The following CTNND2 variants were observed in gnomAD, a reference collection of about 807,000 sequenced individuals.
The protein encoded by CTNND2 is catenin delta 2, also known as catenin delta-2.
CTNND2 carries 22 observed loss-of-function variants against 144.4 expected under a neutral mutation model. The ratio of observed to expected loss-of-function variants is 0.15; its 90% CI spans 0.11 to 0.22. CTNND2 has a LOEUF of 0.22. CTNND2 is among the 10% of genes least tolerant of loss of function. The probability of loss-of-function intolerance (pLI) is 1.00; values close to 1 mark genes in which losing one functional copy is unlikely to be tolerated. For synonymous variants in CTNND2, 751 were observed against 695.6 expected, an observed-to-expected ratio of 1.08 and a Z score of -1.25; for missense variants, 1,353 against 1,618.8, an observed-to-expected ratio of 0.84 and a Z score of 2.82.
chr5:11,044,553 T>C (rs900125847), intron 16 of CTNND2, among the ~76,000 whole-genome samples: 11 of 151,076 alleles, frequency 7.3e-5, no homozygotes, highest in Non-Finnish European at 4.4e-5. Context: ...TACATATATA[T>C]ATATATATAT....
At chr5:11,751,436 T>C (rs1788612787) in intron 1 of CTNND2, among the ~76,000 whole-genome samples, 2 of 151,836 alleles carry the variant, frequency 1.3e-5, no homozygotes, top group African/African-American at 4.8e-5. Context: ...CTTCTTTGTG[T>C]CCACATGTAC....
Position 11,335,085 on chromosome 5 carries a change from C to A in CTNND2, c.1628+11287G>T, listed in dbSNP as rs565979518. Among the ~76,000 whole-genome samples, 16 of 152,252 alleles carry A rather than the reference C, an allele frequency of 1.1e-4. No individual in the cohort carries two copies. In the South Asian group the frequency reaches 3.3e-3, roughly 32 times the overall value. ...CTTGTCTTCTTAGTAGAATTAAGTG[C>A]CTGCTAAAGCACACTTGGTTCAGCA... is the stretch of plus-strand genomic sequence containing the variant. On this transcript the variant is annotated intron_variant, in intron 9 of 21. Coordinates refer to ENST00000304623, the MANE Select transcript of CTNND2 (RefSeq NM_001332.4).
At chr5:11,557,943 C>T (rs868186362) in intron 3 of CTNND2, among the ~76,000 whole-genome samples, 8 of 152,196 alleles carry the variant, frequency 5.3e-5, no homozygotes, top group East Asian at 1.9e-4. Flanking sequence ...TTCCAAAGAA[C>T]GGTTCATTTT....
intron 9 of CTNND2, among the ~76,000 whole-genome samples, chr5:11,266,468 G>A (rs923263278): frequency 1.3e-5 from 2 of 152,188 alleles, no homozygotes; most frequent in Non-Finnish European, 2.9e-5. Flanking sequence ...AGAGTTAAAT[G>A]GGTTAATTAG....
At chr5:11,104,261 T>C (rs1232072370) in intron 14 of CTNND2, among the ~76,000 whole-genome samples, 1 of 152,172 alleles carries the variant, frequency 6.6e-6, no homozygotes, top group African/African-American at 2.4e-5. Flanking sequence ...GTAGCAGATC[T>C]GCAGCATCAG....
At chr5:11,640,167 C>G (rs1781924708) in intron 2 of CTNND2, among the ~76,000 whole-genome samples, 1 of 152,150 alleles carries the variant, frequency 6.6e-6, no homozygotes, top group Non-Finnish European at 1.5e-5. Flanking sequence ...AAAACATTTT[C>G]TTTATTATGT....
intron 3 of CTNND2, among the ~76,000 whole-genome samples, chr5:11,551,429 TTTC>T (rs1369733863): frequency 4.6e-5 from 4 of 86,820 alleles, no homozygotes; most frequent in Non-Finnish European, 7.0e-5. Context: ...CTTTTTCTTT[TTTC>T]TTTTTTTTTT....
chr5:11,390,190 A>T (rs557114901), intron 6 of CTNND2, among the ~76,000 whole-genome samples: 35 of 152,338 alleles, frequency 2.3e-4, no homozygotes, highest in African/African-American at 8.2e-4. Flanking sequence ...CTATCGATGG[A>T]GTATTTTTGT....
intron 2 of CTNND2, among the ~76,000 whole-genome samples, chr5:11,568,079 C>A (rs549645949): frequency 6.6e-6 from 1 of 152,176 alleles, no homozygotes; most frequent in Admixed American, 6.5e-5. Context: ...CAACTCAATG[C>A]CCCATGGACT....
chr5:11,566,912 T>C (rs1777155602), intron 2 of CTNND2, among the ~76,000 whole-genome samples: 1 of 152,092 alleles, frequency 6.6e-6, no homozygotes, highest in Non-Finnish European at 1.5e-5. Context: ...TGTATTTGCA[T>C]CTGGCTTTAT....
chr5:11,399,569 G>A (rs868239885), intron 5 of CTNND2, among the ~76,000 whole-genome samples: 70 of 152,256 alleles, frequency 4.6e-4, no homozygotes, highest in African/African-American at 1.5e-3. Context: ...ACAATGTAAA[G>A]TCCCTTTTCA....
intron 9 of CTNND2, among the ~76,000 whole-genome samples, chr5:11,271,258 T>C (rs1164587842): frequency 6.6e-6 from 1 of 152,172 alleles, no homozygotes; most frequent in Non-Finnish European, 1.5e-5. Context: ...CACTAATGGA[T>C]CACAACCTGT....
At chr5:11,036,891 C>T (rs1356923831) in intron 16 of CTNND2, among the ~76,000 whole-genome samples, 2 of 151,944 alleles carry the variant, frequency 1.3e-5, no homozygotes, top group Non-Finnish European at 2.9e-5. Context: ...ATCAAGAATC[C>T]AATACAAAAA....
chr5:11,779,536 G>A (rs1790432019), intron 1 of CTNND2, among the ~76,000 whole-genome samples: 1 of 152,178 alleles, frequency 6.6e-6, no homozygotes, highest in Non-Finnish European at 1.5e-5. Flanking sequence ...TGTAACATGG[G>A]TTATGGCATA....
intron 2 of CTNND2, among the ~76,000 whole-genome samples, chr5:11,720,706 A>T (rs1786627551): frequency 1.3e-5 from 2 of 152,166 alleles, no homozygotes; most frequent in Admixed American, 6.5e-5. Context: ...ATATTTTTAA[A>T]TATAATATTT....
chr5:11,426,178 C>T (rs1032036705), intron 3 of CTNND2, among the ~76,000 whole-genome samples: 8 of 152,190 alleles, frequency 5.3e-5, no homozygotes, highest in African/African-American at 1.9e-4. Flanking sequence ...TTGTAGCCCC[C>T]CTTGAAAAAC....
At chr5:11,058,464 A>G (rs1050038477) in intron 16 of CTNND2, among the ~76,000 whole-genome samples, 3 of 152,248 alleles carry the variant, frequency 2.0e-5, no homozygotes, top group African/African-American at 7.2e-5. Context: ...GCAGGTGCAC[A>G]GAAGTCAAGA....
At chr5:11,205,190 T>C (rs1000316413) in intron 10 of CTNND2, among the ~76,000 whole-genome samples, 2 of 152,174 alleles carry the variant, frequency 1.3e-5, no homozygotes, top group Non-Finnish European at 2.9e-5. Context: ...TATATATATA[T>C]GTATAGCATA....
At chr5:11,526,324 C>T (rs1275435575) in intron 3 of CTNND2, among the ~76,000 whole-genome samples, 2 of 152,172 alleles carry the variant, frequency 1.3e-5, no homozygotes, top group African/African-American at 2.4e-5. Context: ...TGACCAGAAG[C>T]CGCCATACAA....
Sources: gnomAD v4.1 joint callset for allele counts (sites outside exome capture counted in the v4.1 genomes callset) on GRCh38, gnomAD v4.1.1 for gene constraint, MANE v1.5 for transcripts, NCBI Gene and HGNC (gene_info 2026-07-23, HGNC 2026-07-21) for gene names.